Variants in DEFB114 observed in about 807,000 individuals in gnomAD.
The protein encoded by DEFB114 is beta-defensin 114.
A neutral mutation model predicts 2.4 loss-of-function variants in DEFB114; 4 were observed. The ratio of observed to expected loss-of-function variants is 1.67; its 90% CI spans 0.82 to 3.82. The LOEUF (loss-of-function observed/expected upper bound fraction) is 3.82, where lower values mean the gene tolerates loss of function less well. Ranked by LOEUF, DEFB114 falls within the 30% of genes most tolerant of loss-of-function variation. DEFB114 has a pLI of 0.01. For missense variants in DEFB114, 113 were observed against 85.8 expected, an observed-to-expected ratio of 1.32 and a Z score of -1.25; for synonymous variants, 35 against 24.6, an observed-to-expected ratio of 1.42 and a Z score of -1.26.
chr6:49,963,324 T>C (rs1773492115), intron 1 of DEFB114, among the ~76,000 whole-genome samples: 1 of 150,246 alleles, frequency 6.7e-6, no homozygotes, highest in African/African-American at 2.4e-5. Flanking sequence ...CCTTCACTTT[T>C]TCTTTACAGT....
Position 49,960,288 on chromosome 6 carries a change from C to A in DEFB114, c.*4G>T, listed in dbSNP as rs1773434074. 2.5e-6 allele frequency: 4 copies of A among 1,599,164 alleles called. No individual in the cohort carries two copies. The highest frequency in any genetic ancestry group is 3.4e-6 in the Non-Finnish European group (4 of 1,172,160). ...CTTCTTTGTTCAGAGGTATGCCTTT[C>A]TTTTCAAAACATATCATCTTCTTCA... On this transcript the variant is annotated 3_prime_UTR_variant, in exon 2 of 2. Transcript: ENST00000322066.
rs1172357911 is a variant in DEFB114, at chr6:49,960,325, A to G, written c.177T>C (p.Thr59=). ...TATCATCTTCTTCATACAATTTCTC[A>G]GTGCAGCAAATTTTTCTTGGTAAGG... ...ICSLPRKICC[T]EKLYEEDDMF The change falls in exon 2 of 2, where the codon ACT becomes ACC. Residue 59 remains threonine, a synonymous_variant. Transcript: ENST00000322066. 4 of 1,606,196 alleles carry G rather than the reference A, an allele frequency of 2.5e-6. No individual in the cohort carries two copies. Among genetic ancestry groups the G allele is most frequent in the Non-Finnish European group, 3.4e-6 (4 of 1,175,728 alleles).
chr6:49,964,155 T>C lies in DEFB114; in HGVS notation c.-50A>G, dbSNP rs776298457. The stretch of plus-strand genomic sequence containing the variant: ...ACTTGATAACAGAATATAGAGACTA[T>C]AGAACTTTCCAAAACCCAAAAGACG... On this transcript the variant is annotated 5_prime_UTR_variant, in exon 1 of 2. Coordinates refer to ENST00000322066, the MANE Select transcript of DEFB114 (RefSeq NM_001037499.2). 20 of 1,358,208 alleles carry C rather than the reference T, an allele frequency of 1.5e-5. No individual in the cohort carries two copies. Among genetic ancestry groups the C allele is most frequent in the South Asian group, 2.7e-5 (2 of 72,782 alleles). 84.1% of individuals were successfully genotyped at this position (1,358,208 alleles called of 1,614,324 possible).
Position 49,960,297 on chromosome 6 carries a change from A to G in DEFB114, c.205T>C (p.Phe69Leu), listed in dbSNP as rs113945247. 1.5e-5 allele frequency: 24 copies of G among 1,602,504 alleles called. No homozygotes were observed. The highest frequency in any genetic ancestry group is 1.4e-4 in the African/African-American group (10 of 73,916). ...TEKLYEEDDMF is the reference protein window; with the variant it reads ...TEKLYEEDDML ...TCAGAGGTATGCCTTTCTTTTCAAA[A>G]CATATCATCTTCTTCATACAATTTC... Residue 69 changes from phenylalanine to leucine, a missense_variant, in exon 2 of 2, where the codon TTT becomes CTT. By Grantham distance (22) the Phe-to-Leu change is conservative (BLOSUM62 0). Transcript: ENST00000322066.
chr6:49,960,410 TTGG>T lies in DEFB114; in HGVS notation c.89_91del (p.Thr30del), dbSNP rs773117298. On this transcript the variant is annotated inframe_deletion, in exon 2 of 2. Coordinates refer to ENST00000322066, the MANE Select transcript of DEFB114 (RefSeq NM_001037499.2). ...GTCTCTTTTACAACGACCGTAACGT[TTGG>T]TGCAACGATCAGCATTCACCAAGGT... 4 of 1,607,090 alleles carry T rather than the reference TTGG, an allele frequency of 2.5e-6. No individual in the cohort carries two copies. In the South Asian group the frequency reaches 4.4e-5, roughly 18 times the overall value.
chr6:49,960,579 T>G, intron 1 of DEFB114, 133 bp from the exon 2 acceptor site: 1 of 826,398 alleles, frequency 1.2e-6, no homozygotes, highest in Non-Finnish European at 1.8e-6. Context: ...CATGTATATC[T>G]TATACCCCAT....
intron 1 of DEFB114, among the ~76,000 whole-genome samples, chr6:49,962,691 T>G: frequency 6.6e-6 from 1 of 150,434 alleles, no homozygotes; most frequent in African/African-American, 2.4e-5. Flanking sequence ...TGCTTTATTG[T>G]TTTGCCTTTT....
rs1411317608 is a variant in DEFB114 at position 49,960,404 on chromosome 6, T to C, written c.98A>G (p.Tyr33Cys). 2.5e-6 allele frequency: 4 copies of C among 1,607,410 alleles called. No homozygotes were observed. The Admixed American group carries it at 5.1e-5, about 20-fold the overall frequency. The change falls in exon 2 of 2, where the codon TAC (tyrosine) becomes TGC (cysteine). Residue 33 changes from tyrosine (Y) to cysteine (C), a missense_variant. By Grantham distance (194) the Tyr-to-Cys change is radical. Transcript: ENST00000322066. ...LVNADRCTKR[Y>C]GRCKRDCLES... Reference sequence around the variant, plus strand: ...AAGACAGTCTCTTTTACAACGACCGTAACGTTTGGTGCAACGATCAGCATT... The same window carrying C: ...AAGACAGTCTCTTTTACAACGACCGCAACGTTTGGTGCAACGATCAGCATT...
chr6:49,963,689 C>G (rs1454070047), intron 1 of DEFB114, among the ~76,000 whole-genome samples: 1 of 149,744 alleles, frequency 6.7e-6, no homozygotes, highest in Non-Finnish European at 1.5e-5. Context: ...CACTGCTGTT[C>G]TCAGTTCATT....
Position 49,960,857 on chromosome 6 carries a change from A to T in DEFB114, c.56-411T>A, listed in dbSNP as rs545395813. 4.6e-5 allele frequency among the ~76,000 whole-genome samples: 7 copies of T among 151,034 alleles called. No individual in the cohort carries two copies. In the South Asian group the frequency reaches 1.5e-3, roughly 31 times the overall value. The stretch of plus-strand genomic sequence containing the variant: ...ACATAATTTAATACTTATATGATAT[A>T]TCCTTATGATAGTTGTAAAAAAGTT... On this transcript the variant is annotated intron_variant, in intron 1 of 1. Coordinates refer to ENST00000322066, the MANE Select transcript of DEFB114 (RefSeq NM_001037499.2).
At position 49,960,410 on chromosome 6, in the gene DEFB114, T is replaced by G; in HGVS notation, c.92A>C (p.Lys31Thr). ...GTCTCTTTTACAACGACCGTAACGT[T>G]TGGTGCAACGATCAGCATTCACCAA... ...CTLVNADRCT[K>T]RYGRCKRDCL... The change falls in exon 2 of 2, where the codon AAA (lysine) becomes ACA (threonine). Residue 31 changes from lysine to threonine, a missense_variant. Lys to Thr is a moderately conservative substitution (Grantham distance 78). Coordinates refer to ENST00000322066, the MANE Select transcript of DEFB114 (RefSeq NM_001037499.2). The G allele has an allele frequency of 6.2e-7, 1 of 1,607,090 alleles. No homozygotes were observed. Among genetic ancestry groups the G allele is most frequent in the Non-Finnish European group, 8.5e-7 (1 of 1,175,958 alleles).
intron 1 of DEFB114, among the ~76,000 whole-genome samples, chr6:49,962,014 TC>T (rs1773470043): frequency 6.6e-6 from 1 of 150,676 alleles, no homozygotes; most frequent in Non-Finnish European, 1.5e-5. Context: ...TTTAGCCTTA[TC>T]TGCTGATGAA....
intron 1 of DEFB114, among the ~76,000 whole-genome samples, chr6:49,963,411 T>C (rs1438802227): frequency 6.7e-6 from 1 of 150,112 alleles, no homozygotes; most frequent in East Asian, 1.9e-4. Context: ...CTAGTGTCTG[T>C]TTTCTACTTA....
In DEFB114 at chr6:49,964,056, A is replaced by C; in HGVS notation, c.50T>G (p.Leu17Arg). The C allele has an allele frequency of 1.3e-6, 2 of 1,582,414 alleles. No individual in the cohort carries two copies. The highest frequency in any genetic ancestry group is 2.3e-5 in the South Asian group (2 of 86,942). The change falls in exon 1 of 2, where the codon CTA becomes CGA. Residue 17 changes from leucine to arginine, a missense_variant. By Grantham distance (102) the Leu-to-Arg change is moderately radical. Transcript: ENST00000322066. ...LHFLCYVTFILPATCTLVNAD... is the reference protein window; with the variant it reads ...LHFLCYVTFIRPATCTLVNAD... ...AACAGAGACATCTATCTTACCTGGT[A>C]GAATGAAGGTCACATAACACAGAAA...
chr6:49,960,562 A>T, intron 1 of DEFB114, 116 bp from the exon 2 acceptor site: 1 of 1,108,996 alleles, frequency 9.0e-7, no homozygotes, highest in Non-Finnish European at 1.2e-6. Flanking sequence ...CCAAAAAAAA[A>T]TAAATCCATG....
intron 1 of DEFB114, among the ~76,000 whole-genome samples, chr6:49,962,300 T>C (rs1374883297): frequency 6.6e-6 from 1 of 150,508 alleles, no homozygotes; most frequent in Non-Finnish European, 1.5e-5. Context: ...ACACCTCATA[T>C]ATCTTAACCC....
chr6:49,962,572 A>G (rs1313461357), intron 1 of DEFB114, among the ~76,000 whole-genome samples: 1 of 150,454 alleles, frequency 6.6e-6, no homozygotes, highest in East Asian at 1.9e-4. Flanking sequence ...TTTTTGACTG[A>G]CAAAAGTTTC....
chr6:49,961,891 T>A (rs906482585), intron 1 of DEFB114, among the ~76,000 whole-genome samples: 1 of 150,808 alleles, frequency 6.6e-6, no homozygotes, highest in African/African-American at 2.4e-5. Flanking sequence ...TATTTTTACA[T>A]CTGATTTTAT....
intron 1 of DEFB114, among the ~76,000 whole-genome samples, chr6:49,960,993 A>AT (rs1469366724): frequency 2.0e-5 from 3 of 150,678 alleles, no homozygotes; most frequent in African/African-American, 4.8e-5. Context: ...TTTTTATAAA[A>AT]TTTTTTACAT....
Sources: gnomAD v4.1 joint callset for allele counts (sites outside exome capture counted in the v4.1 genomes callset) on GRCh38, gnomAD v4.1.1 for gene constraint, MANE v1.5 for transcripts, NCBI Gene and HGNC (gene_info 2026-07-23, HGNC 2026-07-21) for gene names.